The following MMP26 variants were observed in gnomAD, a reference collection of about 807,000 sequenced individuals.
MMP26 encodes the protein matrix metallopeptidase 26.
In MMP26, 33 loss-of-function variants were observed where a neutral mutation model predicts 31.0. The observed-to-expected ratio is 1.06, with a 90% CI of 0.81 to 1.42. The LOEUF (loss-of-function observed/expected upper bound fraction) is 1.42, where lower values mean the gene tolerates loss of function less well. Ranked by LOEUF, MMP26 falls within the 40% of genes most tolerant of loss-of-function variation. The pLI is 0.00. For missense variants in MMP26, 347 were observed against 316.1 expected (o/e 1.10, Z -0.74); for synonymous variants, 122 against 114.9 (o/e 1.06, Z -0.40).
chr11:4,754,286 C>T (rs1043280461), intron 1 of MMP26, among the ~76,000 whole-genome samples: 2 of 151,736 alleles, frequency 1.3e-5, no homozygotes, highest in African/African-American at 4.8e-5. Flanking sequence ...TCGTATACTT[C>T]TTCAGTTAAT....
intron 2 of MMP26, among the ~76,000 whole-genome samples, chr11:4,905,137 T>G (rs1328068948): frequency 6.6e-6 from 1 of 152,102 alleles, no homozygotes; most frequent in East Asian, 1.9e-4. Context: ...ACTACTGACA[T>G]GGGATCAGAA....
intron 2 of MMP26, among the ~76,000 whole-genome samples, chr11:4,780,899 GTAGATATGTAAA>G (rs1848849719): frequency 6.6e-6 from 1 of 151,534 alleles, no homozygotes; most frequent in Non-Finnish European, 1.5e-5. Flanking sequence ...ATATGTATCT[GTAGATATGTAAA>G]TTTACATATT....
chr11:4,987,370 A>G (rs557391611), intron 2 of MMP26, among the ~76,000 whole-genome samples: 16 of 151,350 alleles, frequency 1.1e-4, no homozygotes, highest in African/African-American at 3.4e-4. Context: ...TCTCTTTTAC[A>G]TAGGTCTTGG....
intron 2 of MMP26, among the ~76,000 whole-genome samples, chr11:4,836,730 G>A (rs1849724711): frequency 7.8e-6 from 1 of 127,566 alleles, no homozygotes; most frequent in South Asian, 2.4e-4. Flanking sequence ...TGCAATCTCT[G>A]CCCACTGCAA....
intron 2 of MMP26, among the ~76,000 whole-genome samples, chr11:4,966,401 C>A (rs894954966): frequency 6.6e-6 from 1 of 152,142 alleles, no homozygotes; most frequent in Non-Finnish European, 1.5e-5. Flanking sequence ...GGTGATCAGG[C>A]ATCATCGGGG....
At chr11:4,915,497 G>A (rs772560452) in intron 2 of MMP26, 10 of 1,614,042 alleles carry the variant, frequency 6.2e-6, no homozygotes, top group Non-Finnish European at 7.6e-6. Context: ...TGAGCGCTCT[G>A]TTTTAATGAT....
intron 2 of MMP26, chr11:4,821,624 T>C: frequency 6.2e-7 from 1 of 1,614,042 alleles, no homozygotes; most frequent in Non-Finnish European, 8.5e-7. Context: ...CTCTCTATGC[T>C]TTCAGCCACA....
chr11:4,924,088 C>T, intron 2 of MMP26: 1 of 1,614,080 alleles, frequency 6.2e-7, no homozygotes, highest in Non-Finnish European at 8.5e-7. Flanking sequence ...AGAAAATGCC[C>T]AGCACAGTGG....
intron 2 of MMP26, among the ~76,000 whole-genome samples, chr11:4,789,452 A>T (rs1589901102): frequency 6.6e-6 from 1 of 151,236 alleles, no homozygotes; most frequent in Non-Finnish European, 1.5e-5. Flanking sequence ...TTTGACAGGA[A>T]TAGAGCTACA....
chr11:4,763,895 A>G (rs1348754118), intron 1 of MMP26, among the ~76,000 whole-genome samples: 2 of 152,206 alleles, frequency 1.3e-5, no homozygotes, highest in East Asian at 3.8e-4. Context: ...TAAAGTATTT[A>G]GTATTAAATT....
chr11:4,985,152 T>C (rs1221126096), intron 2 of MMP26, among the ~76,000 whole-genome samples: 1 of 146,076 alleles, frequency 6.8e-6, no homozygotes, highest in Non-Finnish European at 1.5e-5. Context: ...ATGCCTCATT[T>C]AATACATAAT....
At chr11:4,923,034 C>T (rs747191551) in intron 2 of MMP26, among the ~76,000 whole-genome samples, 77 of 152,078 alleles carry the variant, frequency 5.1e-4, no homozygotes, top group Non-Finnish European at 8.7e-4. Context: ...AAAGATGAAA[C>T]TTTTGTACTG....
At chr11:4,744,700 T>G (rs1480619599) in intron 1 of MMP26, among the ~76,000 whole-genome samples, 1 of 152,238 alleles carries the variant, frequency 6.6e-6, no homozygotes, top group Non-Finnish European at 1.5e-5. Context: ...TCATTCTGCA[T>G]GCCCAAATCT....
intron 2 of MMP26, among the ~76,000 whole-genome samples, chr11:4,777,082 C>T (rs1422855087): frequency 6.6e-6 from 1 of 152,126 alleles, no homozygotes; most frequent in Non-Finnish European, 1.5e-5. Flanking sequence ...TTCTCTTCAT[C>T]CTGATTTTTC....
At chr11:4,726,843 C>CA (rs1196356048) in intron 1 of MMP26, among the ~76,000 whole-genome samples, 5 of 151,968 alleles carry the variant, frequency 3.3e-5, no homozygotes, top group Admixed American at 2.6e-4. Context: ...CTGATCTCTA[C>CA]AAAAAAGTTA....
At chr11:4,918,872 C>T (rs1247898552) in intron 2 of MMP26, among the ~76,000 whole-genome samples, 1 of 152,208 alleles carries the variant, frequency 6.6e-6, no homozygotes, top group Non-Finnish European at 1.5e-5. Flanking sequence ...AGACTACTTC[C>T]TATCCATCTC....
At chr11:4,960,029 C>T (rs1333932596) in intron 2 of MMP26, among the ~76,000 whole-genome samples, 1 of 151,196 alleles carries the variant, frequency 6.6e-6, no homozygotes. Context: ...AATTTCATTT[C>T]AGCCCCGCCC....
chr11:4,865,911 A>G (rs1480898236), intron 2 of MMP26, among the ~76,000 whole-genome samples: 2 of 152,132 alleles, frequency 1.3e-5, no homozygotes, highest in African/African-American at 4.8e-5. Context: ...CCATGCATCT[A>G]TGGCTTTATG....
At chr11:4,733,879 C>A (rs1848205013) in intron 1 of MMP26, among the ~76,000 whole-genome samples, 2 of 152,086 alleles carry the variant, frequency 1.3e-5, no homozygotes, top group Admixed American at 6.6e-5. Context: ...GTGTTGTTAT[C>A]AAAAATGATA....
Sources: allele counts gnomAD v4.1 joint callset (sites outside exome capture counted in the v4.1 genomes callset), GRCh38; gene constraint gnomAD v4.1.1; transcripts MANE v1.5; gene names NCBI Gene and HGNC (gene_info 2026-07-23, HGNC 2026-07-21).